The following PDE4D variants were observed in gnomAD, a reference collection of about 807,000 sequenced individuals.
PDE4D encodes the protein phosphodiesterase 4D.
Under a neutral mutation model 87.4 loss-of-function variants are expected in PDE4D, and 24 were observed. That is an observed-to-expected ratio of 0.27 (90% CI 0.20 to 0.39). PDE4D has a LOEUF of 0.39. PDE4D is among the 10% of genes least tolerant of loss of function. The probability of loss-of-function intolerance (pLI) is 1.00; values close to 1 mark genes in which losing one functional copy is unlikely to be tolerated. For missense variants in PDE4D, 714 were observed against 1,041.0 expected (o/e 0.69, Z 4.32); for synonymous variants, 384 against 383.2 (o/e 1.00, Z -0.02).
At chr5:59,093,007 G>A (rs1769015320) in intron 5 of PDE4D, among the ~76,000 whole-genome samples, 2 of 151,916 alleles carry the variant, frequency 1.3e-5, no homozygotes, top group South Asian at 4.2e-4. Context: ...TGAAAGTAAA[G>A]GAATAAAAAC....
At chr5:60,029,911 C>A in intron 2 of PDE4D, among the ~76,000 whole-genome samples, 1 of 152,068 alleles carries the variant, frequency 6.6e-6, no homozygotes, top group East Asian at 1.9e-4. Context: ...TCCTCAGAGA[C>A]GGGGGAATTT....
intron 2 of PDE4D, among the ~76,000 whole-genome samples, chr5:60,116,865 A>G (rs1304527230): frequency 6.6e-6 from 1 of 152,152 alleles, no homozygotes; most frequent in Non-Finnish European, 1.5e-5. Context: ...GCAGAACGGT[A>G]TAAAGCAAGC....
At chr5:59,143,091 T>C (rs1778140646) in intron 5 of PDE4D, among the ~76,000 whole-genome samples, 1 of 151,656 alleles carries the variant, frequency 6.6e-6, no homozygotes, top group Non-Finnish European at 1.5e-5. Context: ...TTCTTTTCCT[T>C]TACTGTTTCC....
At chr5:60,241,834 C>A (rs1048523629) in intron 1 of PDE4D, among the ~76,000 whole-genome samples, 1 of 151,986 alleles carries the variant, frequency 6.6e-6, no homozygotes, top group Admixed American at 6.6e-5. Flanking sequence ...CAGATTTAAC[C>A]CGAAGAAGAC....
chr5:59,800,176 G>C (rs560667241), intron 1 of PDE4D, among the ~76,000 whole-genome samples: 8 of 152,104 alleles, frequency 5.3e-5, no homozygotes, highest in Admixed American at 1.3e-4. Context: ...TGGGGAAACA[G>C]TTTCAGTGCA....
chr5:59,394,767 C>A (rs911922106), intron 1 of PDE4D, among the ~76,000 whole-genome samples: 8 of 152,152 alleles, frequency 5.3e-5, no homozygotes, highest in Non-Finnish European at 1.0e-4. Context: ...TCTACAGCTC[C>A]CAGCCTGAGC....
intron 1 of PDE4D, among the ~76,000 whole-genome samples, chr5:59,327,132 TACACACACACAC>T (rs3061651): frequency 5.1e-4 from 72 of 141,850 alleles, no homozygotes; most frequent in South Asian, 3.1e-3. Context: ...GAAACAGAAA[TACACACACACAC>T]ACACACACAC....
intron 1 of PDE4D, among the ~76,000 whole-genome samples, chr5:60,453,338 C>G (rs1450363419): frequency 2.0e-5 from 3 of 152,080 alleles, no homozygotes; most frequent in Non-Finnish European, 2.9e-5. Context: ...AGATTATACT[C>G]TTAGGATAAG....
intron 2 of PDE4D, among the ~76,000 whole-genome samples, chr5:60,056,384 G>C (rs1770779664): frequency 6.6e-6 from 1 of 151,976 alleles, no homozygotes; most frequent in African/African-American, 2.4e-5. Context: ...AATGATGAAG[G>C]AAGACGGGAA....
At chr5:59,939,558 T>C (rs1756957516) in intron 3 of PDE4D, among the ~76,000 whole-genome samples, 1 of 152,120 alleles carries the variant, frequency 6.6e-6, no homozygotes, top group African/African-American at 2.4e-5. Flanking sequence ...TGAGGAGGAC[T>C]GTGCTGAGGT....
chr5:59,285,331 G>C (rs115690782), intron 1 of PDE4D, among the ~76,000 whole-genome samples: 5 of 152,042 alleles, frequency 3.3e-5, no homozygotes, highest in Admixed American at 2.6e-4. Context: ...TTTGGTCAAC[G>C]GTGGTAGATA....
chr5:59,492,555 A>G (rs981735567), intron 1 of PDE4D, among the ~76,000 whole-genome samples: 9 of 152,164 alleles, frequency 5.9e-5, no homozygotes, highest in Non-Finnish European at 1.3e-4. Flanking sequence ...GTGAGATTAA[A>G]CCCTCAAATT....
intron 1 of PDE4D, among the ~76,000 whole-genome samples, chr5:60,313,623 CAGA>C (rs1256937520): frequency 6.6e-6 from 1 of 152,102 alleles, no homozygotes; most frequent in Non-Finnish European, 1.5e-5. Context: ...CTGGAAGAAA[CAGA>C]AGAAGGAAAG....
At chr5:60,044,034 T>TCTTCTGTAGCTTCTGTAG (rs1768856537) in intron 2 of PDE4D, among the ~76,000 whole-genome samples, 1 of 152,154 alleles carries the variant, frequency 6.6e-6, no homozygotes, top group African/African-American at 2.4e-5. Flanking sequence ...GTAGCTTCTT[T>TCTTCTGTAGCTTCTGTAG]CATGTTTTCT....
intron 1 of PDE4D, among the ~76,000 whole-genome samples, chr5:59,664,437 T>TCA (rs1745737876): frequency 6.6e-6 from 1 of 152,238 alleles, no homozygotes; most frequent in African/African-American, 2.4e-5. Flanking sequence ...ATAACAGCTT[T>TCA]CATATATATT....
chr5:60,324,381 T>A (rs1756586685), intron 1 of PDE4D, among the ~76,000 whole-genome samples: 1 of 152,320 alleles, frequency 6.6e-6, no homozygotes, highest in African/African-American at 2.4e-5. Context: ...TTTTTATCCA[T>A]AGGACCCAGC....
intron 1 of PDE4D, among the ~76,000 whole-genome samples, chr5:59,431,486 G>A (rs766439998): frequency 2.4e-4 from 37 of 152,042 alleles, no homozygotes; most frequent in Non-Finnish European, 3.1e-4. Context: ...AGCATCCTGG[G>A]ACCTGGGTAA....
At chr5:60,268,568 G>C (rs1185528546) in intron 1 of PDE4D, among the ~76,000 whole-genome samples, 1 of 152,190 alleles carries the variant, frequency 6.6e-6, no homozygotes, top group East Asian at 1.9e-4. Flanking sequence ...CTAGTTTCAA[G>C]GCAAAAGCTT....
At chr5:59,375,589 A>G (rs1784576293) in intron 1 of PDE4D, among the ~76,000 whole-genome samples, 1 of 152,220 alleles carries the variant, frequency 6.6e-6, no homozygotes, top group South Asian at 2.1e-4. Flanking sequence ...ACTGATTCAC[A>G]GCTGAATTCT....
Sources: allele counts gnomAD v4.1 joint callset (sites outside exome capture counted in the v4.1 genomes callset), GRCh38; gene constraint gnomAD v4.1.1; transcripts MANE v1.5; gene names NCBI Gene and HGNC (gene_info 2026-07-23, HGNC 2026-07-21).